Variants in MYO5A observed in about 807,000 individuals in gnomAD.
MYO5A encodes unconventional myosin-Va.
A neutral mutation model predicts 249.7 loss-of-function variants in MYO5A; 98 were observed. That is an observed-to-expected ratio of 0.39 (90% CI 0.33 to 0.46). MYO5A has a LOEUF of 0.46. Ranked by LOEUF, MYO5A falls within the 20% of genes least tolerant of loss-of-function variation. The pLI, the probability that MYO5A is intolerant of heterozygous loss-of-function variation, is 0.98. For missense variants in MYO5A, 1,696 were observed against 2,308.8 expected (o/e 0.73, Z 5.44); for synonymous variants, 778 against 810.6 (o/e 0.96, Z 0.68).
At chr15:52,351,569 TC>T in intron 27 of MYO5A, 88 bp from the exon 28 acceptor site, 2 of 1,333,674 alleles carry the variant, frequency 1.5e-6, no homozygotes, top group Non-Finnish European at 2.1e-6. Flanking sequence ...GTAGAAGAAT[TC>T]TGCTGAAAAA....
Position 52,449,063 on chromosome 15 carries a change from G to A in MYO5A, c.28-15778C>T, listed in dbSNP as rs561653934. 7.5e-5 allele frequency among the ~76,000 whole-genome samples: 11 copies of A among 146,422 alleles called. No individual in the cohort carries two copies. The South Asian group carries it at 8.7e-4, about 12-fold the overall frequency. On this transcript the variant is annotated intron_variant, in intron 1 of 41. Coordinates refer to ENST00000399233, the MANE Select transcript of MYO5A (RefSeq NM_001382347.1). Reference sequence around the variant, plus strand: ...GGCTCACTGCAAACTCTGTCTCCCGGGTTCAAGCGATTTTCCTGCCTCAGC... The same window carrying A: ...GGCTCACTGCAAACTCTGTCTCCCGAGTTCAAGCGATTTTCCTGCCTCAGC...
intron 1 of MYO5A, 128 bp from the exon 2 acceptor site, chr15:52,433,413 C>CTTTTTTTTTTTTTTTTT (rs151276395): frequency 4.5e-6 from 1 of 223,900 alleles, no homozygotes; most frequent in South Asian, 4.0e-5. Flanking sequence ...ATGAAATTCA[C>CTTTTTTTTTTTTTTTTT]TTTTTTTTTT....
At chr15:52,486,868 G>A (rs548826563) in intron 1 of MYO5A, among the ~76,000 whole-genome samples, 18 of 152,222 alleles carry the variant, frequency 1.2e-4, no homozygotes, top group East Asian at 3.9e-4. Flanking sequence ...AGATTCCCAC[G>A]AGGACACACC....
chr15:52,369,506 G>C (rs1478706389), intron 22 of MYO5A, among the ~76,000 whole-genome samples: 1 of 152,122 alleles, frequency 6.6e-6, no homozygotes, highest in Non-Finnish European at 1.5e-5. Context: ...TGCAAGTACT[G>C]GTCAATCTGA....
intron 30 of MYO5A, among the ~76,000 whole-genome samples, chr15:52,345,170 A>T (rs1034471469): frequency 6.6e-6 from 1 of 152,160 alleles, no homozygotes; most frequent in African/African-American, 2.4e-5. Flanking sequence ...AACCATGTAC[A>T]TCCTCCGTAC....
Position 52,433,293 on chromosome 15 carries a change from A to T in MYO5A, c.28-8T>A. ...TATCCAAACCCTGGCAAACTAGAAG[A>T]CAAAAAGAAAAAAATTTAAACTAGC... On this transcript the variant is annotated splice_polypyrimidine_tract_variant and splice_region_variant and intron_variant, in intron 1 of 41. Transcript: ENST00000399233. 3 of 1,578,512 alleles carry T rather than the reference A, an allele frequency of 1.9e-6. No individual in the cohort carries two copies. Among genetic ancestry groups the T allele is most frequent in the Non-Finnish European group, 2.6e-6 (3 of 1,147,898 alleles).
intron 32 of MYO5A, 140 bp downstream of exon 32, chr15:52,340,056 G>C: frequency 1.2e-6 from 1 of 866,546 alleles, no homozygotes; most frequent in Non-Finnish European, 1.9e-6. Context: ...TCCTTACTCT[G>C]TCTCTGCTGG....
intron 1 of MYO5A, among the ~76,000 whole-genome samples, chr15:52,487,503 C>T (rs1595776155): frequency 6.6e-6 from 1 of 152,158 alleles, no homozygotes; most frequent in South Asian, 2.1e-4. Flanking sequence ...GCAAGTAGAT[C>T]ACCTGAGGTC....
chr15:52,375,246 T>G, intron 20 of MYO5A, 58 bp downstream of exon 20: 1 of 1,556,986 alleles, frequency 6.4e-7, no homozygotes, highest in Non-Finnish European at 8.9e-7. Flanking sequence ...TCTGTATAGA[T>G]GTGAAATTTG....
At chr15:52,503,411 C>T (rs2077197893) in intron 1 of MYO5A, among the ~76,000 whole-genome samples, 1 of 151,826 alleles carries the variant, frequency 6.6e-6, no homozygotes, top group African/African-American at 2.4e-5. Context: ...TCTCTTGAGT[C>T]AAGGAGTTCA....
intron 9 of MYO5A, among the ~76,000 whole-genome samples, chr15:52,402,034 CTG>C (rs754174542): frequency 1.3e-5 from 2 of 152,110 alleles, no homozygotes; most frequent in African/African-American, 2.4e-5. Context: ...TGATTTTTGA[CTG>C]TGAGTCAATA....
At position 52,370,285 on chromosome 15, in the gene MYO5A, G is replaced by T; in HGVS notation, c.2950C>A (p.Arg984=). The change falls in exon 22 of 42, where the codon CGG becomes AGG. Residue 984 remains arginine (R), a synonymous_variant. Transcript: ENST00000399233. ...SEEEAKVATG[R]VLSLQEEIAK... The stretch of plus-strand genomic sequence containing the variant: ...ATTTCTTCCTGCAGACTAAGGACCC[G>T]CCCAGTGGCAACTTTCGCTTCCTCT... 1.2e-6 allele frequency: 2 copies of T among 1,614,056 alleles called. No homozygotes were observed. The highest frequency in any genetic ancestry group is 1.1e-5 in the South Asian group (1 of 91,070).
At chr15:52,349,667 C>A (rs1010133320) in intron 28 of MYO5A, among the ~76,000 whole-genome samples, 5 of 152,150 alleles carry the variant, frequency 3.3e-5, no homozygotes, top group African/African-American at 4.8e-5. Flanking sequence ...CACATTGCAA[C>A]CCCATAAATA....
intron 37 of MYO5A, among the ~76,000 whole-genome samples, chr15:52,322,439 C>T (rs182310726): frequency 2.6e-5 from 4 of 152,334 alleles, no homozygotes; most frequent in African/African-American, 9.6e-5. Context: ...CTCAGCGGTG[C>T]CAGACCCAGG....
At chr15:52,524,642 T>G (rs919139649) in intron 1 of MYO5A, among the ~76,000 whole-genome samples, 4 of 151,128 alleles carry the variant, frequency 2.6e-5, no homozygotes, top group Non-Finnish European at 5.9e-5. Context: ...CTATGGGAGG[T>G]GGAAGCAGGA....
chr15:52,460,270 T>G lies in MYO5A; in HGVS notation c.28-26985A>C, dbSNP rs1358374700. Among the ~76,000 whole-genome samples the G allele has an allele frequency of 2.0e-5, 3 of 152,192 alleles. No individual in the cohort carries two copies. The East Asian group carries it at 5.8e-4, about 29-fold the overall frequency. ...GGCGGCCGGGCAGAGGCTGCAATCT[T>G]GGCACTTTAGGAGGCCAAGGCAGGC... On this transcript the variant is annotated intron_variant, in intron 1 of 41. Coordinates refer to ENST00000399233, the MANE Select transcript of MYO5A (RefSeq NM_001382347.1).
At chr15:52,436,684 G>C (rs967481635) in intron 1 of MYO5A, among the ~76,000 whole-genome samples, 2 of 152,174 alleles carry the variant, frequency 1.3e-5, no homozygotes, top group Admixed American at 6.5e-5. Flanking sequence ...GCAGTACTTA[G>C]AACAGTACCT....
chr15:52,361,652 G>A (rs1272320467), intron 24 of MYO5A, among the ~76,000 whole-genome samples: 1 of 152,158 alleles, frequency 6.6e-6, no homozygotes, highest in Non-Finnish European at 1.5e-5. Flanking sequence ...AAAGAGTTTG[G>A]CTTGGCATAA....
chr15:52,525,554 C>A (rs917174479), intron 1 of MYO5A, among the ~76,000 whole-genome samples: 1 of 152,142 alleles, frequency 6.6e-6, no homozygotes, highest in Non-Finnish European at 1.5e-5. Flanking sequence ...CCCTTAAGAT[C>A]TGAATGACAT....
Sources: gnomAD v4.1 joint callset for allele counts (sites outside exome capture counted in the v4.1 genomes callset) on GRCh38, gnomAD v4.1.1 for gene constraint, MANE v1.5 for transcripts, NCBI Gene and HGNC (gene_info 2026-07-23, HGNC 2026-07-21) for gene names.